PCDHGA4: variants seen among roughly 807,000 people sequenced by gnomAD.
PCDHGA4 encodes protocadherin gamma-A4.
Under a neutral mutation model 54.6 loss-of-function variants are expected in PCDHGA4, and 38 were observed. The observed-to-expected ratio is 0.70, with a 90% CI of 0.54 to 0.91. PCDHGA4 has a LOEUF of 0.91. Among genes scored for constraint, PCDHGA4 ranks in the 40% least tolerant of loss-of-function variants. PCDHGA4 has a pLI of 0.00. For missense variants in PCDHGA4, 1,298 were observed against 1,220.9 expected (o/e 1.06, Z -0.94); for synonymous variants, 511 against 512.9 (o/e 1.00, Z 0.05).
At position 141,393,516 on chromosome 5, in the gene PCDHGA4, A is replaced by G. The variant is rs368866192; in HGVS notation, c.2514+35895A>G. 1.5e-5 allele frequency: 24 copies of G among 1,614,046 alleles called. No homozygotes were observed. Among genetic ancestry groups the G allele is most frequent in the African/African-American group, 2.7e-5 (2 of 75,084 alleles). ...GCGCATCCACGTGACAGTGTTGGAT[A>G]CAAATGACAATGCCCCGGTTTTTCC... is the stretch of plus-strand genomic sequence containing the variant. On this transcript the variant is annotated intron_variant, in intron 1 of 3. Transcript: ENST00000571252.
intron 1 of PCDHGA4, chr5:141,390,362 G>A: frequency 6.5e-7 from 1 of 1,533,010 alleles, no homozygotes. Flanking sequence ...ATATTTGCAG[G>A]AAAATATATA....
At chr5:141,421,464 T>C in intron 1 of PCDHGA4, 1 of 1,614,090 alleles carries the variant, frequency 6.2e-7, no homozygotes, top group Non-Finnish European at 8.5e-7. Flanking sequence ...TCGCTGTGAA[T>C]CCGCGAAGCG....
rs2097422953 is a variant in PCDHGA4 at position 141,431,840 on chromosome 5, C to A, written c.2515-62967C>A. The A allele has an allele frequency of 1.9e-6, 3 of 1,614,248 alleles. No homozygotes were observed. The highest frequency in any genetic ancestry group is 1.6e-4 in the Middle Eastern group (1 of 6,062). ...CGCCAGCTCGGTTCCCGAAAACTCT[C>A]CCAGAGGGACATTAATTGCCCTTTT... On this transcript the variant is annotated intron_variant, in intron 1 of 3. Transcript: ENST00000571252. The surrounding 1 kb of genome is among the most constrained non-coding windows in gnomAD (Gnocchi z 4.8).
chr5:141,355,764 G>T lies in PCDHGA4; in HGVS notation c.657G>T (p.Gly219=). 1.2e-6 allele frequency: 2 copies of T among 1,613,968 alleles called. No homozygotes were observed. Among genetic ancestry groups the T allele is most frequent in the Non-Finnish European group, 8.5e-7 (1 of 1,179,870 alleles). The change falls in exon 1 of 4, where the codon GGG becomes GGT. Residue 219 remains glycine, a synonymous_variant. Coordinates refer to ENST00000571252, the MANE Select transcript of PCDHGA4 (RefSeq NM_018917.4). ...TGGACGTGCAAAGTGGGGCCGATGGGATTAAGTACCCAGAGCTGGTGCTGG... is the reference window on the plus strand; with the variant it reads ...TGGACGTGCAAAGTGGGGCCGATGGTATTAAGTACCCAGAGCTGGTGCTGG... ...FSLDVQSGAD[G]IKYPELVLER... is the part of the protein sequence containing the mutation.
chr5:141,398,183 T>C, intron 1 of PCDHGA4: 1 of 1,477,856 alleles, frequency 6.8e-7, no homozygotes, highest in South Asian at 1.4e-5. Flanking sequence ...GTGCTCTTTC[T>C]CTTCCTGCTG....
intron 1 of PCDHGA4, chr5:141,414,088 A>T: frequency 6.3e-7 from 1 of 1,599,384 alleles, no homozygotes; most frequent in African/African-American, 1.3e-5. Context: ...TACTGGAGAA[A>T]TAAAAATATC....
intron 1 of PCDHGA4, chr5:141,372,751 C>A (rs775212888): frequency 3.7e-6 from 6 of 1,613,192 alleles, no homozygotes; most frequent in Non-Finnish European, 4.2e-6. Flanking sequence ...GATGAAGCCT[C>A]TTGGTTTGAA....
chr5:141,418,125 G>C, intron 1 of PCDHGA4: 1 of 1,614,086 alleles, frequency 6.2e-7, no homozygotes. Flanking sequence ...GTGAAGGACC[G>C]AATAGACCGT....
At chr5:141,360,839 C>T (rs1337655560) in intron 1 of PCDHGA4, 3 of 1,613,822 alleles carry the variant, frequency 1.9e-6, no homozygotes, top group African/African-American at 1.3e-5. Flanking sequence ...GTCACGGATG[C>T]CAACGATAAC....
chr5:141,509,155 C>G (rs981661695), intron 3 of PCDHGA4, among the ~76,000 whole-genome samples: 3 of 152,202 alleles, frequency 2.0e-5, no homozygotes, highest in Non-Finnish European at 4.4e-5. Flanking sequence ...GCTCTCCCCT[C>G]CCGTGTGCCC....
At chr5:141,447,232 C>T (rs988057696) in intron 1 of PCDHGA4, among the ~76,000 whole-genome samples, 3 of 152,062 alleles carry the variant, frequency 2.0e-5, no homozygotes, top group East Asian at 1.9e-4. Flanking sequence ...CTCCGCCTCC[C>T]GGGTTCAAGT....
At position 141,410,109 on chromosome 5, in the gene PCDHGA4, A is replaced by T. The variant is rs771550139; in HGVS notation, c.2514+52488A>T. On this transcript the variant is annotated intron_variant, in intron 1 of 3. Transcript: ENST00000571252. ...ACGGCTCGAGCCTTAGGCGACAGGG[A>T]CGCAGCCCGCCAGCGCCTGCTGGTC... is the stretch of plus-strand genomic sequence containing the variant. 9.9e-6 allele frequency: 16 copies of T among 1,612,380 alleles called. 1 individual carries two copies. The South Asian group carries it at 1.6e-4, about 17-fold the overall frequency.
chr5:141,357,111 G>A lies in PCDHGA4; in HGVS notation c.2004G>A (p.Ala668=), dbSNP rs1377471410. 1.2e-6 allele frequency: 2 copies of A among 1,613,722 alleles called. No individual in the cohort carries two copies. Among genetic ancestry groups the A allele is most frequent in the African/African-American group, 2.7e-5 (2 of 74,958 alleles). The part of the protein sequence containing the change: ...RTARALLDRD[A]LKQRLVVVVQ... ...CACGGGCCCTGCTGGACAGAGACGC[G>A]CTCAAGCAGAGGCTTGTAGTGGTCG... The change falls in exon 1 of 4, where the codon GCG becomes GCA. Residue 668 remains alanine, a synonymous_variant. Coordinates refer to ENST00000571252, the MANE Select transcript of PCDHGA4 (RefSeq NM_018917.4).
Position 141,357,565 on chromosome 5 carries a change from G to C in PCDHGA4, c.2458G>C (p.Glu820Gln). 6.2e-7 allele frequency: 1 copy of C among 1,614,186 alleles called. No homozygotes were observed. Among genetic ancestry groups the C allele is most frequent in the East Asian group, 2.2e-5 (1 of 44,880 alleles). The change falls in exon 1 of 4, where the codon GAG becomes CAG. Residue 820 changes from glutamate (E) to glutamine (Q), a missense_variant. By Grantham distance (29) the Glu-to-Gln change is conservative. Transcript: ENST00000571252. ...CAGCCGGGAGAGTTGTGAGAAAAGCGAGCCTCTTCTGATAACTCAGGATTT... is the reference window on the plus strand; with the variant it reads ...CAGCCGGGAGAGTTGTGAGAAAAGCCAGCCTCTTCTGATAACTCAGGATTT... ...LISRESCEKS[E>Q]PLLITQDLLE...
chr5:141,464,290 A>AC (rs1287070540), intron 1 of PCDHGA4, among the ~76,000 whole-genome samples: 1 of 149,916 alleles, frequency 6.7e-6, no homozygotes, highest in Non-Finnish European at 1.5e-5. Context: ...AAAAAAAAAA[A>AC]CTCCATTGTA....
chr5:141,422,926 G>GC, intron 1 of PCDHGA4: 1 of 1,614,230 alleles, frequency 6.2e-7, no homozygotes, highest in African/African-American at 1.3e-5. Context: ...CCTGTACCCT[G>GC]CCCTCCCCAC....
chr5:141,395,372 G>A, intron 1 of PCDHGA4: 2 of 1,191,834 alleles, frequency 1.7e-6, no homozygotes, highest in Non-Finnish European at 2.3e-6. Flanking sequence ...TTATTTTGGT[G>A]GTGTTACTAT....
At chr5:141,471,504 G>A (rs1487198851) in intron 1 of PCDHGA4, 1 of 152,214 alleles carries the variant, frequency 6.6e-6, no homozygotes, top group Non-Finnish European at 1.5e-5. Flanking sequence ...ATGCAAGAGA[G>A]GGAGTAAAAA....
At chr5:141,420,551 ATTTTTACGGCATGGT>A (rs2096505176) in intron 1 of PCDHGA4, 3 of 266,550 alleles carry the variant, frequency 1.1e-5, no homozygotes, top group Admixed American at 5.1e-5. Context: ...ATACAGGTAT[ATTTTTACGGCATGGT>A]ATTTTAATTG....
Sources: allele counts gnomAD v4.1 joint callset (sites outside exome capture counted in the v4.1 genomes callset), GRCh38; gene constraint gnomAD v4.1.1; non-coding constraint Gnocchi (gnomAD v3.1); transcripts MANE v1.5; gene names NCBI Gene and HGNC (gene_info 2026-07-23, HGNC 2026-07-21).